The following ZNF330 variants were observed in gnomAD, a reference collection of about 807,000 sequenced individuals.
The protein encoded by ZNF330 is nucleolar atypical zinc finger, also known as zinc finger protein 330.
A neutral mutation model predicts 45.5 loss-of-function variants in ZNF330; 31 were observed. The ratio of observed to expected loss-of-function variants is 0.68; its 90% CI spans 0.51 to 0.92. The LOEUF is 0.92. Among genes scored for constraint, ZNF330 ranks in the 40% least tolerant of loss-of-function variants. The probability of loss-of-function intolerance (pLI) is 0.00; values close to 1 mark genes in which losing one functional copy is unlikely to be tolerated. For synonymous variants in ZNF330, 138 were observed against 123.2 expected, an observed-to-expected ratio of 1.12 and a Z score of -0.79; for missense variants, 356 against 387.4, an observed-to-expected ratio of 0.92 and a Z score of 0.68.
At chr4:141,230,121 A>G (rs371306546) in intron 6 of ZNF330, 45 bp from the exon 7 acceptor site, 85 of 1,400,142 alleles carry the variant, frequency 6.1e-5, no homozygotes, top group Non-Finnish European at 8.0e-6. Flanking sequence ...GTTTTTTTAA[A>G]TTAAAGTTTA....
intron 5 of ZNF330, 45 bp downstream of exon 5, chr4:141,226,891 A>T: frequency 6.9e-7 from 1 of 1,457,514 alleles, no homozygotes; most frequent in Non-Finnish European, 9.5e-7. Context: ...TTCAAGGATA[A>T]GAAAATGTCA....
In ZNF330 at chr4:141,229,779, T is replaced by A. The variant is rs1357101626; in HGVS notation, c.418+82T>A. ...CATTTTGAATGCTGTTTTTGAGATT[T>A]TTTTCAGGATACTGTCAATCCTAAC... On this transcript the variant is annotated intron_variant, in intron 6 of 9. Coordinates refer to ENST00000262990, the MANE Select transcript of ZNF330 (RefSeq NM_014487.6). 1.2e-5 allele frequency: 19 copies of A among 1,542,598 alleles called. No homozygotes were observed. The South Asian group carries it at 1.8e-4, about 15-fold the overall frequency.
intron 7 of ZNF330, 71 bp downstream of exon 7, chr4:141,230,341 A>G: frequency 1.1e-6 from 1 of 919,676 alleles, no homozygotes; most frequent in South Asian, 2.0e-5. Flanking sequence ...TCTTAATGAA[A>G]AAGGAATCAA....
In ZNF330 at chr4:141,233,926, T is replaced by A. The variant is rs1429798344; in HGVS notation, c.900T>A (p.Thr300=). 6.2e-7 allele frequency: 1 copy of A among 1,613,820 alleles called. No individual in the cohort carries two copies. ...ATACTGAGTCATCAGATTTGTTTAC[T>A]AATTTGAATTTAGGAAGGACCTATG... ...DSDTESSDLF[T]NLNLGRTYAS... is the part of the protein sequence containing the mutation. Residue 300 remains threonine, a synonymous_variant, in exon 10 of 10, where the codon ACT becomes ACA. Transcript: ENST00000262990.
At chr4:141,224,729 C>T in intron 4 of ZNF330, 52 bp downstream of exon 4, 1 of 1,494,074 alleles carries the variant, frequency 6.7e-7, no homozygotes, top group Non-Finnish European at 9.3e-7. Context: ...GGTAGTTCAA[C>T]AATTTGAACT....
intron 1 of ZNF330, 27 bp from the exon 2 acceptor site, chr4:141,222,339 C>A (rs202142443): frequency 1.2e-6 from 2 of 1,603,542 alleles, no homozygotes; most frequent in Non-Finnish European, 1.7e-6. Context: ...TCAATTATAT[C>A]TTTTCTGTTC....
intron 9 of ZNF330, among the ~76,000 whole-genome samples, 155 bp from the exon 10 acceptor site, chr4:141,233,560 G>T (rs1729009742): frequency 6.6e-6 from 1 of 151,984 alleles, no homozygotes; most frequent in South Asian, 2.1e-4. Context: ...TTATGGTGTT[G>T]TATATAGACT....
chr4:141,230,499 C>G (rs1192339962), intron 7 of ZNF330, among the ~76,000 whole-genome samples: 1 of 152,154 alleles, frequency 6.6e-6, no homozygotes, highest in East Asian at 1.9e-4. Context: ...ATTTTGTAGG[C>G]TTGATTTGAT....
intron 5 of ZNF330, among the ~76,000 whole-genome samples, chr4:141,229,172 T>C (rs1728885002): frequency 6.6e-6 from 1 of 152,130 alleles, no homozygotes; most frequent in Non-Finnish European, 1.5e-5. Context: ...AATGGTAGTA[T>C]TTAAAAATTC....
Position 141,232,586 on chromosome 4 carries a change from C to T in ZNF330, c.632C>T (p.Pro211Leu), listed in dbSNP as rs755201457. 1.3e-5 allele frequency: 20 copies of T among 1,599,546 alleles called. No homozygotes were observed. Among genetic ancestry groups the T allele is most frequent in the Non-Finnish European group, 1.4e-5 (16 of 1,172,910 alleles). The change falls in exon 9 of 10, where the codon CCT (proline) becomes CTT (leucine). Residue 211 changes from proline (P) to leucine (L), a missense_variant. By Grantham distance (98) the Pro-to-Leu change is moderately conservative. Transcript: ENST00000262990. ...TTTAAGCAAGAAAAAGGAAAACAGC[C>T]TCCTTGTCCTAAATGTGGGCATGAA... ...KVFKQEKGKQ[P>L]PCPKCGHETQ...
intron 7 of ZNF330, 144 bp from the exon 8 acceptor site, chr4:141,231,295 G>A: frequency 2.0e-6 from 1 of 511,614 alleles, no homozygotes; most frequent in Non-Finnish European, 3.4e-6. Context: ...GGAGCTTTGT[G>A]TGTTTTATAG....
Position 141,233,831 on chromosome 4 carries a change from G to A in ZNF330, c.805G>A (p.Asp269Asn), listed in dbSNP as rs1480476689. The A allele has an allele frequency of 8.7e-6, 14 of 1,613,646 alleles. No individual in the cohort carries two copies. Among genetic ancestry groups the A allele is most frequent in the South Asian group, 2.2e-5 (2 of 91,074 alleles). Residue 269 changes from aspartate to asparagine, a missense_variant, in exon 10 of 10, where the codon GAT becomes AAT. Physicochemically the swap from Asp to Asn is conservative, Grantham distance 23 (BLOSUM62 1). Transcript: ENST00000262990. ...SDKYGDTSYH[D>N]EEEDEYEAED... The stretch of plus-strand genomic sequence containing the variant: ...TAAGTATGGTGATACCAGCTACCAC[G>A]ATGAGGAGGAGGATGAGTATGAAGC...
chr4:141,225,310 A>C (rs1728777858), intron 4 of ZNF330, among the ~76,000 whole-genome samples: 2 of 152,088 alleles, frequency 1.3e-5, no homozygotes, highest in Non-Finnish European at 2.9e-5. Context: ...TCTTCCACAG[A>C]CTTCCTGAAA....
chr4:141,222,811 G>A (rs1728715526), intron 2 of ZNF330: 1 of 170,792 alleles, frequency 5.9e-6, no homozygotes, highest in African/African-American at 2.4e-5. Context: ...TATTTTCTTA[G>A]CAATTCTTTC....
At chr4:141,228,654 T>C (rs138739749) in intron 5 of ZNF330, among the ~76,000 whole-genome samples, 129 of 152,254 alleles carry the variant, frequency 8.5e-4, no homozygotes, top group African/African-American at 2.9e-3. Flanking sequence ...CCAAGAGATA[T>C]AGTTGATGAT....
chr4:141,225,379 C>T (rs1361354532), intron 4 of ZNF330, among the ~76,000 whole-genome samples: 1 of 151,926 alleles, frequency 6.6e-6, no homozygotes, highest in African/African-American at 2.4e-5. Flanking sequence ...ATACTGCATG[C>T]ATCCTCCTTT....
intron 5 of ZNF330, among the ~76,000 whole-genome samples, 163 bp downstream of exon 5, chr4:141,227,009 T>C (rs951789591): frequency 2.0e-5 from 3 of 152,084 alleles, no homozygotes; most frequent in African/African-American, 7.2e-5. Flanking sequence ...TGATTTTCCC[T>C]TAGTACCCAC....
intron 4 of ZNF330, among the ~76,000 whole-genome samples, chr4:141,226,190 A>C (rs1190657897): frequency 6.6e-6 from 1 of 151,032 alleles, no homozygotes; most frequent in African/African-American, 2.5e-5. Context: ...CGTATTGTTT[A>C]TTGTGCTTAT....
rs1393052082 is a variant in ZNF330 at position 141,222,494 on chromosome 4, A to G, written c.120+3A>G. Reference sequence around the variant, plus strand: ...AACATCCATGTAATGCCTCAATGGTATCAGCTTTTTTTGATATCAGTTGGT... The same window carrying G: ...AACATCCATGTAATGCCTCAATGGTGTCAGCTTTTTTTGATATCAGTTGGT... On this transcript the variant is annotated splice_donor_region_variant and intron_variant, in intron 2 of 9. Transcript: ENST00000262990. 6.2e-7 allele frequency: 1 copy of G among 1,608,616 alleles called. No homozygotes were observed. The highest frequency in any genetic ancestry group is 1.1e-5 in the South Asian group (1 of 90,614).
Sources: allele counts gnomAD v4.1 joint callset (sites outside exome capture counted in the v4.1 genomes callset), GRCh38; gene constraint gnomAD v4.1.1; transcripts MANE v1.5; gene names NCBI Gene and HGNC (gene_info 2026-07-23, HGNC 2026-07-21).